TSHB: variants seen among roughly 807,000 people sequenced by gnomAD.
TSHB encodes thyrotropin subunit beta.
In TSHB, 9 loss-of-function variants were observed where a neutral mutation model predicts 9.3. The ratio of observed to expected loss-of-function variants is 0.97; its 90% CI spans 0.58 to 1.69. The LOEUF (loss-of-function observed/expected upper bound fraction) is 1.69, where lower values mean the gene tolerates loss of function less well. Among genes scored for constraint, TSHB ranks in the 40% most tolerant of loss-of-function variants. TSHB has a pLI of 0.00. For synonymous variants in TSHB, 57 were observed against 57.2 expected, an observed-to-expected ratio of 1.00 and a Z score of 0.01; for missense variants, 182 against 168.5, an observed-to-expected ratio of 1.08 and a Z score of -0.44.
At chr1:115,030,126 T>C (rs149406514) in intron 1 of TSHB, among the ~76,000 whole-genome samples, 21 of 152,166 alleles carry the variant, frequency 1.4e-4, no homozygotes, top group Non-Finnish European at 2.5e-4. Flanking sequence ...ATATTTGATA[T>C]TCATGGCTTT....
At position 115,032,183 on chromosome 1, in the gene TSHB, C is replaced by T. The variant is rs140753189; in HGVS notation, c.-1-1179C>T. ...GTTTATCTAATTTATCTACAATTCTCATTCTAGGAATAGAAGGTTGATTGA... is the reference window on the plus strand; with the variant it reads ...GTTTATCTAATTTATCTACAATTCTTATTCTAGGAATAGAAGGTTGATTGA... On this transcript the variant is annotated intron_variant, in intron 1 of 2. Coordinates refer to ENST00000256592, the MANE Select transcript of TSHB (RefSeq NM_000549.5). 5.7e-3 allele frequency among the ~76,000 whole-genome samples: 870 copies of T among 152,114 alleles called. 2 individuals carry two copies. Among genetic ancestry groups the T allele is most frequent in the Admixed American group, 0.012 (189 of 15,248 alleles).
chr1:115,031,751 C>T (rs1438022849), intron 1 of TSHB, among the ~76,000 whole-genome samples: 1 of 151,996 alleles, frequency 6.6e-6, no homozygotes. Context: ...AGGGAGCTCA[C>T]ATTTGAGAAG....
intron 2 of TSHB, 119 bp downstream of exon 2, chr1:115,033,643 TG>T: frequency 1.0e-6 from 1 of 1,002,766 alleles, no homozygotes; most frequent in Non-Finnish European, 1.6e-6. Context: ...TAATGGTTAT[TG>T]GCTCCTTAGA....
chr1:115,032,446 T>C (rs1674911894), intron 1 of TSHB, among the ~76,000 whole-genome samples: 2 of 152,008 alleles, frequency 1.3e-5, no homozygotes, highest in South Asian at 4.1e-4. Context: ...AAATATTTAG[T>C]AAATTATATT....
chr1:115,032,995 T>C (rs1330885564), intron 1 of TSHB, among the ~76,000 whole-genome samples: 1 of 121,180 alleles, frequency 8.3e-6, no homozygotes, highest in African/African-American at 3.2e-5. Context: ...ATTCTTCTAA[T>C]TGTGTCAACC....
At position 115,033,293 on chromosome 1, in the gene TSHB, A is replaced by C. The variant is rs544200050; in HGVS notation, c.-1-69A>C. On this transcript the variant is annotated intron_variant, in intron 1 of 2. Coordinates refer to ENST00000256592, the MANE Select transcript of TSHB (RefSeq NM_000549.5). Reference sequence around the variant, plus strand: ...TGGGATGGTACTGAAGTTTGGTTATACTTTTTCTTGGTTTCTTTGCCCTTT... The same window carrying C: ...TGGGATGGTACTGAAGTTTGGTTATCCTTTTTCTTGGTTTCTTTGCCCTTT... 4.1e-6 allele frequency: 6 copies of C among 1,477,998 alleles called. No individual in the cohort carries two copies. The African/African-American group carries it at 8.3e-5, about 21-fold the overall frequency. 91.6% of individuals were successfully genotyped at this position (1,477,998 alleles called of 1,614,324 possible).
rs1557869450 is a variant in TSHB at position 115,031,145 on chromosome 1, TGAA to T, written c.-2+1287_-2+1289del. ...TTGAGGCCCAGAAAGATTCTGTGGG[TGAA>T]GTTTTACTATTCGCAATAAAGAAGT... On this transcript the variant is annotated intron_variant, in intron 1 of 2. Coordinates refer to ENST00000256592, the MANE Select transcript of TSHB (RefSeq NM_000549.5). Among the ~76,000 whole-genome samples, 3 of 152,140 alleles carry T rather than the reference TGAA, an allele frequency of 2.0e-5. No homozygotes were observed. The East Asian group carries it at 5.8e-4, about 29-fold the overall frequency.
chr1:115,033,989 T>C lies in TSHB; in HGVS notation c.179T>C (p.Leu60Pro). ...YCMTRDINGK[L>P]FLPKYALSQD... ...TTTCCCCAGGATATCAATGGCAAAC[T>C]GTTTCTTCCCAAATATGCTCTGTCC... The change falls in exon 3 of 3, where the codon CTG becomes CCG. Residue 60 changes from leucine (L) to proline (P), a missense_variant. Transcript: ENST00000256592. The C allele has an allele frequency of 1.9e-6, 3 of 1,613,684 alleles. No homozygotes were observed. The highest frequency in any genetic ancestry group is 2.5e-6 in the Non-Finnish European group (3 of 1,179,724).
chr1:115,033,586 C>T, intron 2 of TSHB, 62 bp downstream of exon 2: 2 of 1,424,478 alleles, frequency 1.4e-6, no homozygotes, highest in East Asian at 2.3e-5. Flanking sequence ...AAGTCCATTC[C>T]TATATAGAAA....
rs371075268 is a variant in TSHB, at chr1:115,034,083, T to G, written c.273T>G (p.Val91=). ...TVEIPGCPLH[V]APYFSYPVAL... ...AAATACCAGGATGCCCACTCCATGT[T>G]GCTCCCTATTTTTCCTATCCTGTTG... The change falls in exon 3 of 3, where the codon GTT becomes GTG. Residue 91 remains valine (V), a synonymous_variant. Transcript: ENST00000256592. The G allele has an allele frequency of 6.2e-7, 1 of 1,613,732 alleles. No homozygotes were observed. The highest frequency in any genetic ancestry group is 1.3e-5 in the African/African-American group (1 of 74,890).
Position 115,033,983 on chromosome 1 carries a change from G to A in TSHB, c.173G>A (p.Gly58Asp). The A allele has an allele frequency of 6.2e-7, 1 of 1,613,440 alleles. No homozygotes were observed. The highest frequency in any genetic ancestry group is 8.5e-7 in the Non-Finnish European group (1 of 1,179,680). The change falls in exon 3 of 3, where the codon GGC (glycine) becomes GAC (aspartate). Residue 58 changes from glycine (G) to aspartate (D), a missense_variant. Transcript: ENST00000256592. ...AGYCMTRDIN[G>D]KLFLPKYALS... ...CTGTTCTTTCCCCAGGATATCAATG[G>A]CAAACTGTTTCTTCCCAAATATGCT... is the stretch of plus-strand genomic sequence containing the variant.
intron 1 of TSHB, among the ~76,000 whole-genome samples, chr1:115,031,299 C>CA (rs574440624): frequency 6.6e-6 from 1 of 151,582 alleles, no homozygotes; most frequent in Non-Finnish European, 1.5e-5. Context: ...GGAGAAACTT[C>CA]AAAAAAATAT....
chr1:115,032,474 C>G (rs1396291042), intron 1 of TSHB, among the ~76,000 whole-genome samples: 1 of 151,764 alleles, frequency 6.6e-6, no homozygotes, highest in Admixed American at 6.6e-5. Flanking sequence ...ATAGAACAAG[C>G]AAACAAGTTT....
rs1414023605 is a variant in TSHB, at chr1:115,034,272, A to G, written c.*45A>G. On this transcript the variant is annotated 3_prime_UTR_variant, in exon 3 of 3. Coordinates refer to ENST00000256592, the MANE Select transcript of TSHB (RefSeq NM_000549.5). ...TTGGTTAAATGTGCTTGCCTGAAAT[A>G]AAGCTAATAAAAATATTATGTTTCA... 1 of 1,576,714 alleles carries G rather than the reference A, an allele frequency of 6.3e-7. No individual in the cohort carries two copies. Among genetic ancestry groups the G allele is most frequent in the Non-Finnish European group, 8.7e-7 (1 of 1,146,730 alleles).
intron 1 of TSHB, among the ~76,000 whole-genome samples, chr1:115,030,502 G>T (rs901699846): frequency 6.6e-6 from 1 of 151,978 alleles, no homozygotes. Flanking sequence ...TAGCAGAGCA[G>T]AGAGGAAAGT....
intron 1 of TSHB, among the ~76,000 whole-genome samples, chr1:115,031,100 T>A (rs1002751648): frequency 6.6e-6 from 1 of 152,016 alleles, no homozygotes; most frequent in Non-Finnish European, 1.5e-5. Flanking sequence ...CTCTAAGCCC[T>A]GCTTTTATAG....
At position 115,029,836 on chromosome 1, in the gene TSHB, C is replaced by A. The variant is rs2101006413; in HGVS notation, c.-26C>A. On this transcript the variant is annotated 5_prime_UTR_variant, in exon 1 of 3. Transcript: ENST00000256592. The stretch of plus-strand genomic sequence containing the variant: ...GAGCTTTTAGTTTGGGTCACCACAG[C>A]ATCTGCTCACCAATGCAAAGTAAGG... The A allele has an allele frequency of 6.6e-6, 1 of 152,608 alleles. No individual in the cohort carries two copies. The highest frequency in any genetic ancestry group is 2.4e-5 in the African/African-American group (1 of 41,558). 9.5% of individuals were successfully genotyped at this position (152,608 alleles called of 1,614,324 possible). A position where few individuals can be genotyped will look rare whatever the true frequency, so the allele number is the denominator to read the frequency against.
At position 115,034,068 on chromosome 1, in the gene TSHB, A is replaced by T. The variant is rs1033328625; in HGVS notation, c.258A>T (p.Gly86=). The T allele has an allele frequency of 3.3e-5, 54 of 1,613,684 alleles. No homozygotes were observed. Among genetic ancestry groups the T allele is most frequent in the Non-Finnish European group, 4.3e-5 (51 of 1,179,790 alleles). Residue 86 remains glycine (G), a synonymous_variant, in exon 3 of 3, where the codon GGA becomes GGT. Coordinates refer to ENST00000256592, the MANE Select transcript of TSHB (RefSeq NM_000549.5). ...TCTACAGGACTGTAGAAATACCAGG[A>T]TGCCCACTCCATGTTGCTCCCTATT... The part of the protein sequence containing the change: ...DFIYRTVEIP[G]CPLHVAPYFS...
intron 1 of TSHB, among the ~76,000 whole-genome samples, chr1:115,032,059 T>G (rs977552410): frequency 1.3e-5 from 2 of 152,058 alleles, no homozygotes; most frequent in Non-Finnish European, 2.9e-5. Context: ...ATTATTTGTG[T>G]TCATATTAGC....
Sources: allele counts gnomAD v4.1 joint callset (sites outside exome capture counted in the v4.1 genomes callset), GRCh38; gene constraint gnomAD v4.1.1; transcripts MANE v1.5; gene names NCBI Gene and HGNC (gene_info 2026-07-23, HGNC 2026-07-21).